Variants in TNRC6A observed in about 807,000 individuals in gnomAD.
TNRC6A encodes the protein trinucleotide repeat containing adaptor 6A.
TNRC6A carries 44 observed loss-of-function variants against 221.2 expected under a neutral mutation model. The ratio of observed to expected loss-of-function variants is 0.20; its 90% CI spans 0.16 to 0.26. The LOEUF is 0.26. Among genes scored for constraint, TNRC6A ranks in the 10% least tolerant of loss-of-function variants. The probability of loss-of-function intolerance (pLI) is 1.00; values close to 1 mark genes in which losing one functional copy is unlikely to be tolerated. For missense variants in TNRC6A, 2,199 were observed against 2,404.4 expected (o/e 0.91, Z 1.79); for synonymous variants, 847 against 838.5 (o/e 1.01, Z -0.18).
chr16:24,658,551 A>G (rs1358460022), intron 2 of TNRC6A, among the ~76,000 whole-genome samples: 1 of 151,922 alleles, frequency 6.6e-6, no homozygotes, highest in Non-Finnish European at 1.5e-5. Context: ...TAGTAGAGAC[A>G]GGGTTTCACC....
chr16:24,731,032 G>A (rs1050105903), intron 2 of TNRC6A, among the ~76,000 whole-genome samples: 7 of 143,926 alleles, frequency 4.9e-5, no homozygotes, highest in African/African-American at 1.8e-4. Context: ...TAGCTTCATT[G>A]AGCTGTAATT....
At chr16:24,707,058 C>G (rs7199130) in intron 2 of TNRC6A, among the ~76,000 whole-genome samples, 1 of 151,672 alleles carries the variant, frequency 6.6e-6, no homozygotes, top group Non-Finnish European at 1.5e-5. Context: ...TGCAGTAGCA[C>G]GATCTCAACT....
At chr16:24,646,951 CAG>C (rs1463499105) in intron 2 of TNRC6A, among the ~76,000 whole-genome samples, 2 of 152,082 alleles carry the variant, frequency 1.3e-5, no homozygotes, top group Non-Finnish European at 2.9e-5. Context: ...TATTTTGAGA[CAG>C]AGTTTCCCTC....
chr16:24,805,514 A>T lies in TNRC6A; in HGVS notation c.4123-91A>T, dbSNP rs1284352931. On this transcript the variant is annotated intron_variant, in intron 14 of 24. Coordinates refer to ENST00000395799, the MANE Select transcript of TNRC6A (RefSeq NM_014494.4). ...CCCCCAATGAATAGTCCACAAATTT[A>T]ACTGCTCTATTGACAACTGAAAACA... 5.2e-6 allele frequency: 8 copies of T among 1,525,350 alleles called. No homozygotes were observed. The African/African-American group carries it at 9.6e-5, about 18-fold the overall frequency. The allele number at this position is 1,525,350 out of a possible 1,614,324, so 94.5% of individuals were successfully genotyped here.
At chr16:24,754,257 A>G (rs1257631753) in intron 3 of TNRC6A, among the ~76,000 whole-genome samples, 1 of 152,116 alleles carries the variant, frequency 6.6e-6, no homozygotes, top group Non-Finnish European at 1.5e-5. Context: ...GAGCCTTACA[A>G]CGATATTTTC....
At chr16:24,819,275 T>A (rs1045087982) in intron 21 of TNRC6A, among the ~76,000 whole-genome samples, 1 of 152,186 alleles carries the variant, frequency 6.6e-6, no homozygotes. Context: ...TTGATAGTGA[T>A]GGAAGACAGG....
rs1443923346 is a variant in TNRC6A, at chr16:24,797,960, T to G, written c.3688T>G (p.Ser1230Ala). ...TGTACAAAGCAATAAGATGGACCTT[T>G]CTGGAGGTAAGAGAAAATTAAATCT... The part of the protein sequence containing the change: ...ENVQSNKMDL[S>A]GGMLQDKRME... The change falls in exon 11 of 25, where the codon TCT becomes GCT. Residue 1230 changes from serine (S) to alanine (A), a missense_variant. Around this residue, in one of 8 missense-constraint regions of TNRC6A, gnomAD observed 158 missense variants for 159.1 expected, o/e 0.99. Transcript: ENST00000395799. 1.2e-6 allele frequency: 2 copies of G among 1,610,536 alleles called. No homozygotes were observed. The highest frequency in any genetic ancestry group is 3.3e-5 in the Admixed American group (2 of 59,748).
chr16:24,625,980 A>G (rs1466763425), intron 1 of TNRC6A, among the ~76,000 whole-genome samples: 3 of 152,130 alleles, frequency 2.0e-5, no homozygotes, highest in Non-Finnish European at 4.4e-5. Flanking sequence ...TCTAATTTAT[A>G]TGGTCTGCAC....
chr16:24,714,879 G>GT (rs566800021), intron 2 of TNRC6A, among the ~76,000 whole-genome samples: 15,835 of 140,010 alleles, frequency 0.11, 1,922 homozygotes, highest in East Asian at 0.35. Flanking sequence ...TAGTTTTTTT[G>GT]TTTTTTTTTT....
chr16:24,819,408 A>G (rs1033033802), intron 21 of TNRC6A, among the ~76,000 whole-genome samples: 1 of 151,664 alleles, frequency 6.6e-6, no homozygotes, highest in Admixed American at 6.6e-5. Context: ...TGTGTCAGGA[A>G]CTGGGCCTGC....
At chr16:24,754,042 C>T (rs993200913) in intron 3 of TNRC6A, among the ~76,000 whole-genome samples, 1 of 152,146 alleles carries the variant, frequency 6.6e-6, no homozygotes, top group Admixed American at 6.5e-5. Context: ...TAAAGGTGAA[C>T]TTTAAAATTG....
chr16:24,634,950 T>C (rs1640726133), intron 1 of TNRC6A, among the ~76,000 whole-genome samples: 1 of 152,158 alleles, frequency 6.6e-6, no homozygotes, highest in Admixed American at 6.6e-5. Context: ...ATACACTTTT[T>C]TCTTTCTTCA....
Position 24,747,199 on chromosome 16 carries a change from G to A in TNRC6A, c.54-3527G>A, listed in dbSNP as rs114795658. Among the ~76,000 whole-genome samples, 1,286 of 152,274 alleles carry A rather than the reference G, an allele frequency of 8.4e-3. 20 individuals carry two copies. Among genetic ancestry groups the A allele is most frequent in the African/African-American group, 0.029 (1,223 of 41,540 alleles). On this transcript the variant is annotated intron_variant, in intron 2 of 24. Coordinates refer to ENST00000395799, the MANE Select transcript of TNRC6A (RefSeq NM_014494.4). Reference sequence around the variant, plus strand: ...GTAAAATTCAAACATTGAGTGTGTAGGTGAATGATTTGACAAATGTATACA... The same window carrying A: ...GTAAAATTCAAACATTGAGTGTGTAAGTGAATGATTTGACAAATGTATACA...
intron 2 of TNRC6A, among the ~76,000 whole-genome samples, chr16:24,657,967 A>G (rs1282281715): frequency 6.6e-6 from 1 of 152,134 alleles, no homozygotes; most frequent in Admixed American, 6.6e-5. Flanking sequence ...TAAGATATTC[A>G]TAAGTGAGTT....
intron 11 of TNRC6A, among the ~76,000 whole-genome samples, chr16:24,800,294 C>T (rs867596495): frequency 6.6e-6 from 1 of 152,220 alleles, no homozygotes. Flanking sequence ...CATACCGCAT[C>T]CTCCTACGAC....
Position 24,793,643 on chromosome 16 carries a change from A to G in TNRC6A, c.3346A>G (p.Lys1116Glu). 1 of 1,481,032 alleles carries G rather than the reference A, an allele frequency of 6.8e-7. No homozygotes were observed. 91.7% of individuals were successfully genotyped at this position (1,481,032 alleles called of 1,614,324 possible). A position where few individuals can be genotyped will look rare whatever the true frequency, so the allele number is the denominator to read the frequency against. ...CTCTGTTGGTCCACAAGCATTAAGC[A>G]AATCTGGTAAGTTATTGACAATGCC... ...SSSVGPQALS[K>E]SGPKSMQDGW... The change falls in exon 7 of 25, where the codon AAA (lysine) becomes GAA (glutamate). Residue 1116 changes from lysine (K) to glutamate (E), a missense_variant. Lys to Glu is a moderately conservative substitution (Grantham distance 56, BLOSUM62 1). Around this residue, in one of 8 missense-constraint regions of TNRC6A, gnomAD observed 1,405 missense variants for 1,400.2 expected, o/e 1.00. Coordinates refer to ENST00000395799, the MANE Select transcript of TNRC6A (RefSeq NM_014494.4).
At chr16:24,756,643 C>T (rs2057257956) in intron 3 of TNRC6A, among the ~76,000 whole-genome samples, 1 of 152,090 alleles carries the variant, frequency 6.6e-6, no homozygotes, top group Non-Finnish European at 1.5e-5. Flanking sequence ...AAAAGAGCAA[C>T]ATGGTATACT....
chr16:24,665,236 A>AT (rs201893886), intron 2 of TNRC6A, among the ~76,000 whole-genome samples: 1,583 of 151,382 alleles, frequency 0.01, 32 homozygotes, highest in African/African-American at 0.036. Flanking sequence ...AAACTGGCTA[A>AT]TTTTTTTTTA....
intron 2 of TNRC6A, among the ~76,000 whole-genome samples, chr16:24,678,928 T>C (rs886128755): frequency 1.3e-5 from 2 of 151,992 alleles, no homozygotes; most frequent in Non-Finnish European, 2.9e-5. Flanking sequence ...ATATACACAC[T>C]AGTGGTTCAG....
Sources: gnomAD v4.1 joint callset for allele counts (sites outside exome capture counted in the v4.1 genomes callset) on GRCh38, gnomAD v4.1.1 for gene constraint, gnomAD v4.1.1 regional missense constraint, MANE v1.5 for transcripts, NCBI Gene and HGNC (gene_info 2026-07-23, HGNC 2026-07-21) for gene names.